ZC3H18: variants seen among roughly 807,000 people sequenced by gnomAD.
ZC3H18 encodes zinc finger CCCH domain-containing protein 18.
ZC3H18 carries 8 observed loss-of-function variants against 106.1 expected under a neutral mutation model. That is an observed-to-expected ratio of 0.08 (90% CI 0.04 to 0.14). ZC3H18 has a LOEUF of 0.14. Among genes scored for constraint, ZC3H18 ranks in the 10% least tolerant of loss-of-function variants. ZC3H18 has a pLI of 1.00. For missense variants in ZC3H18, 1,318 were observed against 1,278.4 expected, an observed-to-expected ratio of 1.03 and a Z score of -0.47; for synonymous variants, 635 against 522.1, an observed-to-expected ratio of 1.22 and a Z score of -2.95.
rs1906710930 is a variant in ZC3H18, at chr16:88,631,798, G to A, written c.*499G>A. 3.3e-6 allele frequency: 1 copy of A among 300,094 alleles called. No individual in the cohort carries two copies. Among genetic ancestry groups the A allele is most frequent in the South Asian group, 2.6e-5 (1 of 39,140 alleles). 18.6% of individuals were successfully genotyped at this position (300,094 alleles called of 1,614,324 possible). ...ATATTCTCGACTAAAGTCTCATCAG[G>A]AAATATTTCCTGTCTTTTATTTTAA... On this transcript the variant is annotated 3_prime_UTR_variant, in exon 18 of 18. Transcript: ENST00000301011.
chr16:88,598,159 C>A lies in ZC3H18; in HGVS notation c.689-19C>A. On this transcript the variant is annotated intron_variant, in intron 3 of 17. Coordinates refer to ENST00000301011, the MANE Select transcript of ZC3H18 (RefSeq NM_144604.4). The stretch of plus-strand genomic sequence containing the variant: ...TAGGCTCTTGTGGACCCTTTCTGAT[C>A]TCACTTTTGTTTCCATAGGGAACTG... 1 of 1,550,012 alleles carries A rather than the reference C, an allele frequency of 6.5e-7. No homozygotes were observed. Among genetic ancestry groups the A allele is most frequent in the Non-Finnish European group, 8.7e-7 (1 of 1,145,144 alleles).
At chr16:88,616,417 C>A (rs775490192) in intron 8 of ZC3H18, among the ~76,000 whole-genome samples, 13 of 152,220 alleles carry the variant, frequency 8.5e-5, no homozygotes, top group Non-Finnish European at 1.8e-4. Context: ...CTGCCAGCAG[C>A]AGGGCTGACG....
In ZC3H18 at chr16:88,611,383, A is replaced by C; in HGVS notation, c.1322A>C (p.Glu441Ala). Residue 441 changes from glutamate to alanine, a missense_variant, in exon 8 of 18, where the codon GAG becomes GCG. By Grantham distance (107) the Glu-to-Ala change is moderately radical. Around this residue, in one of 6 missense-constraint regions of ZC3H18, gnomAD observed 848 missense variants for 821.7 expected, o/e 1.03. Transcript: ENST00000301011. ...GAGCGCGAGCGAGAGCGGGAGCGCG[A>C]GCGCGACAAGGAGCGGCAGCGGAGG... ...QRERERERER[E>A]RDKERQRRKE... 1 of 1,106,722 alleles carries C rather than the reference A, an allele frequency of 9.0e-7. No homozygotes were observed. The highest frequency in any genetic ancestry group is 1.6e-5 in the African/African-American group (1 of 64,480). The allele number at this position is 1,106,722 out of a possible 1,614,324, so 68.6% of individuals were successfully genotyped here. A position where few individuals can be genotyped will look rare whatever the true frequency, so the allele number is the denominator to read the frequency against.
intron 2 of ZC3H18, among the ~76,000 whole-genome samples, chr16:88,582,329 A>G (rs1382231470): frequency 7.0e-6 from 1 of 142,492 alleles, no homozygotes; most frequent in Non-Finnish European, 1.5e-5. Flanking sequence ...GGTTCAAGCG[A>G]TTCTCCTGCC....
In ZC3H18 at chr16:88,622,215, AAAG is replaced by A. The variant is rs1405598865; in HGVS notation, c.1498_1500del (p.Lys500del). 1.2e-6 allele frequency: 2 copies of A among 1,609,808 alleles called. No individual in the cohort carries two copies. Among genetic ancestry groups the A allele is most frequent in the African/African-American group, 1.3e-5 (1 of 74,754 alleles). ...ATTTCAGCCGCCAAGCTGAGCCACC[AAAG>A]AAGGAGGCTGCCACCACGGGGCCGC... On this transcript the variant is annotated inframe_deletion, in exon 9 of 18. Coordinates refer to ENST00000301011, the MANE Select transcript of ZC3H18 (RefSeq NM_144604.4).
At position 88,623,229 on chromosome 16, in the gene ZC3H18, C is replaced by A. The variant is rs1237825578; in HGVS notation, c.1678C>A (p.Arg560=). 6.2e-7 allele frequency: 1 copy of A among 1,613,048 alleles called. No individual in the cohort carries two copies. Among genetic ancestry groups the A allele is most frequent in the South Asian group, 1.1e-5 (1 of 91,066 alleles). ...TCCCGCCCGCCCCAGGTCGTCTTCG[C>A]GGTCATCGTCCTACTCTGGCTCCGG... ...SASNSSRSSS[R]SSSYSGSGSS... Residue 560 remains arginine (R), a synonymous_variant, in exon 10 of 18, where the codon CGG becomes AGG. Transcript: ENST00000301011.
At chr16:88,576,343 G>A (rs1479642248) in intron 1 of ZC3H18, among the ~76,000 whole-genome samples, 2 of 152,172 alleles carry the variant, frequency 1.3e-5, no homozygotes, top group Non-Finnish European at 2.9e-5. Context: ...TACCTGGCCA[G>A]CCTCGTCTTT....
At chr16:88,603,623 CTTTTTT>C (rs59222261) in intron 6 of ZC3H18, among the ~76,000 whole-genome samples, 1 of 132,580 alleles carries the variant, frequency 7.5e-6, no homozygotes, top group Non-Finnish European at 1.6e-5. Context: ...GACTCCGTCT[CTTTTTT>C]TTTTTTTTTT....
intron 17 of ZC3H18, among the ~76,000 whole-genome samples, 180 bp downstream of exon 17, chr16:88,630,761 C>G (rs1021118654): frequency 1.8e-5 from 2 of 109,712 alleles, no homozygotes; most frequent in Non-Finnish European, 4.3e-5. Context: ...CCCCCACCCC[C>G]CCCCACACAC....
At chr16:88,622,461 G>T in intron 9 of ZC3H18, 73 bp downstream of exon 9, 1 of 1,460,834 alleles carries the variant, frequency 6.8e-7, no homozygotes, top group Non-Finnish European at 9.2e-7. Flanking sequence ...TACCTCACTG[G>T]GTCAGGTGGG....
rs1905614602 is a variant in ZC3H18 at position 88,616,498 on chromosome 16, A to G, written c.1475+4962A>G. Among the ~76,000 whole-genome samples the G allele has an allele frequency of 2.6e-5, 4 of 151,972 alleles. No homozygotes were observed. In the South Asian group the frequency reaches 8.3e-4, roughly 32 times the overall value. On this transcript the variant is annotated intron_variant, in intron 8 of 17. Coordinates refer to ENST00000301011, the MANE Select transcript of ZC3H18 (RefSeq NM_144604.4). ...CTGGGGAGTCCCCGGTCTTGGCTTC[A>G]CTCACCTTTGCGGGAGCCCTGCCAG...
chr16:88,594,320 C>T (rs1032266458), intron 3 of ZC3H18, among the ~76,000 whole-genome samples: 7 of 152,152 alleles, frequency 4.6e-5, no homozygotes, highest in African/African-American at 1.7e-4. Flanking sequence ...TTAAGTGTCT[C>T]TTAATTTCTA....
At chr16:88,592,888 ATTT>A (rs58240235) in intron 3 of ZC3H18, among the ~76,000 whole-genome samples, 52,052 of 151,962 alleles carry the variant, frequency 0.34, 9,366 homozygotes, top group East Asian at 0.57. Context: ...TGTATTATTT[ATTT>A]TTATTATTCG....
chr16:88,582,491 A>G (rs1915196011), intron 2 of ZC3H18, among the ~76,000 whole-genome samples: 1 of 151,926 alleles, frequency 6.6e-6, no homozygotes, highest in Non-Finnish European at 1.5e-5. Context: ...TGGATCCATG[A>G]GCTCTTCTGC....
At chr16:88,571,977 A>G (rs1914435698) in intron 1 of ZC3H18, among the ~76,000 whole-genome samples, 7 of 152,232 alleles carry the variant, frequency 4.6e-5, no homozygotes. Flanking sequence ...GAATCTCTTT[A>G]GAACTCCTGT....
chr16:88,595,894 C>T (rs931703860), intron 3 of ZC3H18, among the ~76,000 whole-genome samples: 2 of 152,140 alleles, frequency 1.3e-5, no homozygotes, highest in East Asian at 1.9e-4. Context: ...CCCACATTCC[C>T]GACAGTTGGG....
At chr16:88,584,371 G>A (rs1340914045) in intron 2 of ZC3H18, among the ~76,000 whole-genome samples, 3 of 151,224 alleles carry the variant, frequency 2.0e-5, no homozygotes, top group African/African-American at 7.3e-5. Flanking sequence ...GCAGTGAACC[G>A]AGATCGTGCC....
At position 88,609,169 on chromosome 16, in the gene ZC3H18, T is replaced by C. The variant is rs900981115; in HGVS notation, c.1206+118T>C. The C allele has an allele frequency of 1.7e-5, 12 of 719,378 alleles. No individual in the cohort carries two copies. The African/African-American group carries it at 2.2e-4, about 13-fold the overall frequency. The allele number at this position is 719,378 out of a possible 1,614,324, so 44.6% of individuals were successfully genotyped here. A position where few individuals can be genotyped will look rare whatever the true frequency, so the allele number is the denominator to read the frequency against. On this transcript the variant is annotated intron_variant, in intron 7 of 17. Transcript: ENST00000301011. ...ATGAGCTTATAGAGCCAGCACAATG[T>C]ACCAATTTGAAAACCAAATTGATTG...
rs77710853 is a variant in ZC3H18 at position 88,575,568 on chromosome 16, G to T, written c.-14-1542G>T. 7.6e-3 allele frequency among the ~76,000 whole-genome samples: 1,150 copies of T among 152,126 alleles called. 24 individuals are homozygous for T. The highest frequency in any genetic ancestry group is 0.011 in the Non-Finnish European group (733 of 67,944). Reference sequence around the variant, plus strand: ...GTTGCCGTTCTACACCTTCCTACCCGTCTTAACACCGTCCACTTTTAAAGC... The same window carrying T: ...GTTGCCGTTCTACACCTTCCTACCCTTCTTAACACCGTCCACTTTTAAAGC... On this transcript the variant is annotated intron_variant, in intron 1 of 17. Coordinates refer to ENST00000301011, the MANE Select transcript of ZC3H18 (RefSeq NM_144604.4).
Sources: gnomAD v4.1 joint callset for allele counts (sites outside exome capture counted in the v4.1 genomes callset) on GRCh38, gnomAD v4.1.1 for gene constraint, gnomAD v4.1.1 regional missense constraint, MANE v1.5 for transcripts, NCBI Gene and HGNC (gene_info 2026-07-23, HGNC 2026-07-21) for gene names.